Variants in C15orf61 observed in about 807,000 individuals in gnomAD.
C15orf61 encodes chromosome 15 open reading frame 61.
In C15orf61, 12 loss-of-function variants were observed where a neutral mutation model predicts 13.7. The observed-to-expected ratio is 0.88, with a 90% CI of 0.56 to 1.42. C15orf61 has a LOEUF of 1.42. Ranked by LOEUF, C15orf61 falls within the 40% of genes most tolerant of loss-of-function variation. The probability of loss-of-function intolerance (pLI) is 0.00; values close to 1 mark genes in which losing one functional copy is unlikely to be tolerated. For missense variants in C15orf61, 248 were observed against 213.2 expected (o/e 1.16, Z -1.02); for synonymous variants, 92 against 94.1 (o/e 0.98, Z 0.13).
In C15orf61 at chr15:67,521,268, C is replaced by G; in HGVS notation, c.20C>G (p.Ala7Gly). MEALRRAHEVALRLLLC... is the reference protein window; with the variant it reads MEALRRGHEVALRLLLC... The stretch of plus-strand genomic sequence containing the variant: ...CGGGCCATGGAGGCCCTGAGGAGGG[C>G]CCACGAGGTCGCGCTCCGCCTGCTG... Residue 7 changes from alanine (A) to glycine (G), a missense_variant, in exon 1 of 2, where the codon GCC (alanine) becomes GGC (glycine). Transcript: ENST00000342683. The G allele has an allele frequency of 7.0e-7, 1 of 1,427,880 alleles. No individual in the cohort carries two copies. Among genetic ancestry groups the G allele is most frequent in the Non-Finnish European group, 9.1e-7 (1 of 1,092,944 alleles). The allele number at this position is 1,427,880 out of a possible 1,614,324, so 88.5% of individuals were successfully genotyped here. A position where few individuals can be genotyped will look rare whatever the true frequency, so the allele number is the denominator to read the frequency against.
chr15:67,525,055 C>T lies in C15orf61; in HGVS notation c.347-1363C>T, dbSNP rs896076709. 7.9e-5 allele frequency among the ~76,000 whole-genome samples: 12 copies of T among 152,206 alleles called. No individual in the cohort carries two copies. The highest frequency in any genetic ancestry group is 1.9e-4 in the African/African-American group (8 of 41,538). ...TTCTCCATGTTGGTCAGGCTGGTCTCGAACTCCCAACCTCAGGTGATCCGC... is the reference window on the plus strand; with the variant it reads ...TTCTCCATGTTGGTCAGGCTGGTCTTGAACTCCCAACCTCAGGTGATCCGC... On this transcript the variant is annotated intron_variant, in intron 1 of 1. Transcript: ENST00000342683. This position sits in a 1 kb window ranked among gnomAD's most constrained non-coding sequence, Gnocchi z 4.9.
rs1285226714 is a variant in C15orf61 at position 67,526,402 on chromosome 15, T to C, written c.347-16T>C. 1.3e-6 allele frequency: 2 copies of C among 1,483,066 alleles called. No homozygotes were observed. Among genetic ancestry groups the C allele is most frequent in the Admixed American group, 2.1e-5 (1 of 48,186 alleles). 91.9% of individuals were successfully genotyped at this position (1,483,066 alleles called of 1,614,324 possible). ...TAATAAGCATTGATGTTTATACATATTCGTTTGTTTTCTAGGTATTCCAAC... is the reference window on the plus strand; with the variant it reads ...TAATAAGCATTGATGTTTATACATACTCGTTTGTTTTCTAGGTATTCCAAC... On this transcript the variant is annotated splice_polypyrimidine_tract_variant and intron_variant, in intron 1 of 1. Coordinates refer to ENST00000342683, the MANE Select transcript of C15orf61 (RefSeq NM_001143936.2).
Position 67,526,501 on chromosome 15 carries a change from A to G in C15orf61, c.430A>G (p.Thr144Ala), listed in dbSNP as rs569292152. 3.0e-4 allele frequency: 463 copies of G among 1,541,114 alleles called. 1 individual carries two copies. The highest frequency in any genetic ancestry group is 9.9e-4 in the South Asian group (81 of 81,948). ...TGTGCATACCAGTTATGGACCCATA[A>G]CAGTTTATTTTCTCAATAAAGAAGA... ...ETVHTSYGPI[T>A]VYFLNKEDEG... The change falls in exon 2 of 2, where the codon ACA becomes GCA. Residue 144 changes from threonine to alanine, a missense_variant. Coordinates refer to ENST00000342683, the MANE Select transcript of C15orf61 (RefSeq NM_001143936.2).
rs1471211275 is a variant in C15orf61 at position 67,528,694 on chromosome 15, C to CT, written c.*2150dup. Reference sequence around the variant, plus strand: ...AAGTATAAATGTGTAAGTCAGGAGACTGAGTCTATTTTTAGTATTGGTGCT... The same window carrying CT: ...AAGTATAAATGTGTAAGTCAGGAGACTTGAGTCTATTTTTAGTATTGGTGCT... On this transcript the variant is annotated 3_prime_UTR_variant, in exon 2 of 2. Coordinates refer to ENST00000342683, the MANE Select transcript of C15orf61 (RefSeq NM_001143936.2). 6.6e-6 allele frequency: 1 copy of CT among 152,130 alleles called. No homozygotes were observed. The highest frequency in any genetic ancestry group is 1.5e-5 in the Non-Finnish European group (1 of 68,040). The allele number at this position is 152,130 out of a possible 1,614,324, so 9.4% of individuals were successfully genotyped here.
chr15:67,521,559 A>C lies in C15orf61; in HGVS notation c.311A>C (p.Asn104Thr), dbSNP rs2084162548. The change falls in exon 1 of 2, where the codon AAC becomes ACC. Residue 104 changes from asparagine to threonine, a missense_variant. Physicochemically the swap from Asn to Thr is moderately conservative, Grantham distance 65 (BLOSUM62 0). Transcript: ENST00000342683. ...KAPWQDLARQNRFFTALKVVN... is the reference protein window; with the variant it reads ...KAPWQDLARQTRFFTALKVVN... ...CCCTGGCAGGACCTGGCCCGGCAGA[A>C]CCGCTTCTTCACGGCGCTCAAGGTC... 6.5e-7 allele frequency: 1 copy of C among 1,542,106 alleles called. No homozygotes were observed. The highest frequency in any genetic ancestry group is 2.5e-5 in the East Asian group (1 of 40,638).
Position 67,521,213 on chromosome 15 carries a change from T to C in C15orf61, c.-36T>C, listed in dbSNP as rs1166080045. The C allele has an allele frequency of 9.3e-6, 11 of 1,186,486 alleles. No individual in the cohort carries two copies. The highest frequency in any genetic ancestry group is 4.3e-5 in the Admixed American group (1 of 22,990). 73.5% of individuals were successfully genotyped at this position (1,186,486 alleles called of 1,614,324 possible). ...GGGGGCGCGCTTGCGCGCCAGCGGC[T>C]GCGGACACCAGCCTGCGTCCCCGGC... On this transcript the variant is annotated 5_prime_UTR_variant, in exon 1 of 2. Coordinates refer to ENST00000342683, the MANE Select transcript of C15orf61 (RefSeq NM_001143936.2).
At position 67,526,146 on chromosome 15, in the gene C15orf61, A is replaced by T. The variant is rs557971320; in HGVS notation, c.347-272A>T. 7.2e-5 allele frequency among the ~76,000 whole-genome samples: 11 copies of T among 152,302 alleles called. No homozygotes were observed. In the South Asian group the frequency reaches 2.3e-3, roughly 32 times the overall value. ...TATGAAAAGAATATAGCATTACTTCATGATTATTTGAGGGTAATGAATTTA... is the reference window on the plus strand; with the variant it reads ...TATGAAAAGAATATAGCATTACTTCTTGATTATTTGAGGGTAATGAATTTA... On this transcript the variant is annotated intron_variant, in intron 1 of 1. Transcript: ENST00000342683.
rs1156360055 is a variant in C15orf61 at position 67,528,785 on chromosome 15, C to A, written c.*2240C>A. On this transcript the variant is annotated 3_prime_UTR_variant, in exon 2 of 2. Coordinates refer to ENST00000342683, the MANE Select transcript of C15orf61 (RefSeq NM_001143936.2). ...GTGTCTTGGTTTTTCCACCTGTAAT[C>A]TGAGAAGAACGAAACAAGAGACATT... 1 of 152,164 alleles carries A rather than the reference C, an allele frequency of 6.6e-6. No homozygotes were observed. The highest frequency in any genetic ancestry group is 1.5e-5 in the Non-Finnish European group (1 of 68,040). 9.4% of individuals were successfully genotyped at this position (152,164 alleles called of 1,614,324 possible). A position where few individuals can be genotyped will look rare whatever the true frequency, so the allele number is the denominator to read the frequency against.
chr15:67,529,790 C>T lies in C15orf61; in HGVS notation c.*3245C>T, dbSNP rs2140929852. On this transcript the variant is annotated 3_prime_UTR_variant, in exon 2 of 2. Coordinates refer to ENST00000342683, the MANE Select transcript of C15orf61 (RefSeq NM_001143936.2). The surrounding 1 kb of genome is among the most constrained non-coding windows in gnomAD (Gnocchi z 4.4). ...TTTACTTCATGTCATTTATATTCAC[C>T]CAAAACTGTAAGCATAGAACATCTA... 1 of 152,234 alleles carries T rather than the reference C, an allele frequency of 6.6e-6. No homozygotes were observed. Among genetic ancestry groups the T allele is most frequent in the South Asian group, 2.1e-4 (1 of 4,822 alleles). The allele number at this position is 152,234 out of a possible 1,614,324, so 9.4% of individuals were successfully genotyped here.
chr15:67,522,595 C>T (rs1006822460), intron 1 of C15orf61, among the ~76,000 whole-genome samples: 1 of 152,140 alleles, frequency 6.6e-6, no homozygotes, highest in Non-Finnish European at 1.5e-5. Context: ...AACGTGTTAT[C>T]CTTTAAAAAT....
intron 1 of C15orf61, among the ~76,000 whole-genome samples, chr15:67,522,541 C>A (rs537799936): frequency 8.5e-5 from 13 of 152,278 alleles, no homozygotes; most frequent in African/African-American, 2.4e-4. Flanking sequence ...GCTTTTTGAG[C>A]CGTTACTCCA....
rs1188101421 is a variant in C15orf61, at chr15:67,528,059, TA to T, written c.*1516del. 2 of 152,244 alleles carry T rather than the reference TA, an allele frequency of 1.3e-5. No homozygotes were observed. Among genetic ancestry groups the T allele is most frequent in the African/African-American group, 4.8e-5 (2 of 41,470 alleles). 9.4% of individuals were successfully genotyped at this position (152,244 alleles called of 1,614,324 possible). A position where few individuals can be genotyped will look rare whatever the true frequency, so the allele number is the denominator to read the frequency against. Reference sequence around the variant, plus strand: ...TTAAATAACTATAGCTCATAAGTTTTAAGTCAAATACTGCTCATTCATTGCT... The same window carrying T: ...TTAAATAACTATAGCTCATAAGTTTTAGTCAAATACTGCTCATTCATTGCT... On this transcript the variant is annotated 3_prime_UTR_variant, in exon 2 of 2. Transcript: ENST00000342683.
At chr15:67,523,498 T>C (rs2084180833) in intron 1 of C15orf61, among the ~76,000 whole-genome samples, 1 of 152,212 alleles carries the variant, frequency 6.6e-6, no homozygotes, top group African/African-American at 2.4e-5. Context: ...ATTTTACTGA[T>C]GGTTTACCAG....
Position 67,526,665 on chromosome 15 carries a change from T to C in C15orf61, c.*120T>C. The C allele has an allele frequency of 2.0e-6, 2 of 995,974 alleles. No homozygotes were observed. Among genetic ancestry groups the C allele is most frequent in the Non-Finnish European group, 2.7e-6 (2 of 730,114 alleles). The allele number at this position is 995,974 out of a possible 1,614,324, so 61.7% of individuals were successfully genotyped here. Reference sequence around the variant, plus strand: ...ACTTTTTTCTTTCTACAGTATCTGCTTCTTTAAGATGAATCATTGCCCTCA... The same window carrying C: ...ACTTTTTTCTTTCTACAGTATCTGCCTCTTTAAGATGAATCATTGCCCTCA... On this transcript the variant is annotated 3_prime_UTR_variant, in exon 2 of 2. Coordinates refer to ENST00000342683, the MANE Select transcript of C15orf61 (RefSeq NM_001143936.2).
At position 67,521,201 on chromosome 15, in the gene C15orf61, C is replaced by CG. The variant is rs1253528721; in HGVS notation, c.-47dup. The CG allele has an allele frequency of 1.0e-5, 12 of 1,163,112 alleles. No individual in the cohort carries two copies. The South Asian group carries it at 3.9e-4, about 38-fold the overall frequency. 72.0% of individuals were successfully genotyped at this position (1,163,112 alleles called of 1,614,324 possible). A position where few individuals can be genotyped will look rare whatever the true frequency, so the allele number is the denominator to read the frequency against. Reference sequence around the variant, plus strand: ...CGGCGCTCGCCCGGGGGCGCGCTTGCGCGCCAGCGGCTGCGGACACCAGCC... The same window carrying CG: ...CGGCGCTCGCCCGGGGGCGCGCTTGCGGCGCCAGCGGCTGCGGACACCAGCC... On this transcript the variant is annotated 5_prime_UTR_variant, in exon 1 of 2. Transcript: ENST00000342683.
chr15:67,526,465 G>A lies in C15orf61; in HGVS notation c.394G>A (p.Val132Ile), dbSNP rs1418552261. The A allele has an allele frequency of 6.5e-7, 1 of 1,540,246 alleles. No homozygotes were observed. Among genetic ancestry groups the A allele is most frequent in the East Asian group, 2.4e-5 (1 of 40,832 alleles). ...YGLGSWLFAR[V>I]TETVHTSYGP... ...ACTTGGCTCCTGGTTATTTGCCAGA[G>A]TCACAGAGACTGTGCATACCAGTTA... The change falls in exon 2 of 2, where the codon GTC becomes ATC. Residue 132 changes from valine (V) to isoleucine (I), a missense_variant. Physicochemically the swap from Val to Ile is conservative, Grantham distance 29 (BLOSUM62 3). Coordinates refer to ENST00000342683, the MANE Select transcript of C15orf61 (RefSeq NM_001143936.2).
At position 67,522,147 on chromosome 15, in the gene C15orf61, G is replaced by A. The variant is rs183816555; in HGVS notation, c.346+553G>A. 1.7e-5 allele frequency: 12 copies of A among 701,456 alleles called. No individual in the cohort carries two copies. The East Asian group carries it at 2.7e-4, about 16-fold the overall frequency. 43.5% of individuals were successfully genotyped at this position (701,456 alleles called of 1,614,324 possible). ...GTGCTAGGCCTAAAAGATTTTTAAA[G>A]ATCTTTAATATTTGTATATTTTCAT... On this transcript the variant is annotated intron_variant, in intron 1 of 1. Transcript: ENST00000342683.
In C15orf61 at chr15:67,521,185, C is replaced by T. The variant is rs1464822888; in HGVS notation, c.-64C>T. 1 of 1,112,486 alleles carries T rather than the reference C, an allele frequency of 9.0e-7. No homozygotes were observed. Among genetic ancestry groups the T allele is most frequent in the Non-Finnish European group, 1.1e-6 (1 of 892,512 alleles). The allele number at this position is 1,112,486 out of a possible 1,614,324, so 68.9% of individuals were successfully genotyped here. On this transcript the variant is annotated 5_prime_UTR_variant, in exon 1 of 2. Coordinates refer to ENST00000342683, the MANE Select transcript of C15orf61 (RefSeq NM_001143936.2). ...CGCCGGTTGGCCTTCCCGGCGCTCG[C>T]CCGGGGGCGCGCTTGCGCGCCAGCG...
At position 67,521,281 on chromosome 15, in the gene C15orf61, G is replaced by T. The variant is rs2084157819; in HGVS notation, c.33G>T (p.Ala11=). 1 of 1,452,976 alleles carries T rather than the reference G, an allele frequency of 6.9e-7. No individual in the cohort carries two copies. Among genetic ancestry groups the T allele is most frequent in the Admixed American group, 2.4e-5 (1 of 41,564 alleles). The allele number at this position is 1,452,976 out of a possible 1,614,324, so 90.0% of individuals were successfully genotyped here. ...CCCTGAGGAGGGCCCACGAGGTCGCGCTCCGCCTGCTGCTGTGTAGGCCGT... is the reference window on the plus strand; with the variant it reads ...CCCTGAGGAGGGCCCACGAGGTCGCTCTCCGCCTGCTGCTGTGTAGGCCGT... MEALRRAHEV[A]LRLLLCRPWA... Residue 11 remains alanine (A), a synonymous_variant, in exon 1 of 2, where the codon GCG becomes GCT. Transcript: ENST00000342683.
Sources: gnomAD v4.1 joint callset for allele counts (sites outside exome capture counted in the v4.1 genomes callset) on GRCh38, gnomAD v4.1.1 for gene constraint, Gnocchi (gnomAD v3.1) non-coding constraint, MANE v1.5 for transcripts, NCBI Gene and HGNC (gene_info 2026-07-23, HGNC 2026-07-21) for gene names.